Variants in RIMS2 observed in about 807,000 individuals in gnomAD.
RIMS2 encodes the protein regulating synaptic membrane exocytosis 2.
A neutral mutation model predicts 174.4 loss-of-function variants in RIMS2; 59 were observed. That is an observed-to-expected ratio of 0.34 (90% CI 0.27 to 0.42). The LOEUF (loss-of-function observed/expected upper bound fraction) is 0.42, where lower values mean the gene tolerates loss of function less well. Among genes scored for constraint, RIMS2 ranks in the 10% least tolerant of loss-of-function variants. The pLI, the probability that RIMS2 is intolerant of heterozygous loss-of-function variation, is 1.00. For missense variants in RIMS2, 1,620 were observed against 1,666.3 expected (o/e 0.97, Z 0.48); for synonymous variants, 606 against 572.5 (o/e 1.06, Z -0.84).
chr8:104,214,687 G>A (rs2099121919), intron 19 of RIMS2, among the ~76,000 whole-genome samples: 1 of 152,104 alleles, frequency 6.6e-6, no homozygotes, highest in East Asian at 1.9e-4. Context: ...ACCTCAAGTG[G>A]TCTGCCCATC....
chr8:103,976,271 A>G (rs2093415322), intron 16 of RIMS2: 1 of 152,244 alleles, frequency 6.6e-6, no homozygotes, highest in Admixed American at 6.5e-5. Context: ...ATGCTATACA[A>G]TAACCTATGT....
At chr8:103,628,355 T>G (rs1221462298) in intron 1 of RIMS2, among the ~76,000 whole-genome samples, 1 of 21,468 alleles carries the variant, frequency 4.7e-5, no homozygotes, top group African/African-American at 2.1e-4. Flanking sequence ...GAGATCCCTG[T>G]TTTTTTTTTT....
chr8:103,601,005 T>G (rs948211895), intron 1 of RIMS2, among the ~76,000 whole-genome samples: 2 of 152,224 alleles, frequency 1.3e-5, no homozygotes, highest in Non-Finnish European at 2.9e-5. Context: ...TTTGTATGTC[T>G]TCTTTTGAGA....
At chr8:104,169,325 TATATATATATATATAA>T (rs1314930592) in intron 19 of RIMS2, among the ~76,000 whole-genome samples, 1,003 of 40,412 alleles carry the variant, frequency 0.025, 15 homozygotes, top group East Asian at 0.12. Flanking sequence ...TATATATATA[TATATATATATATATAA>T]AACAGATTCA....
chr8:104,251,303 G>A (rs969360641), intron 23 of RIMS2, 140 bp downstream of exon 29: 17 of 736,878 alleles, frequency 2.3e-5, no homozygotes, highest in African/African-American at 1.2e-4. Flanking sequence ...GCAGTGGCCC[G>A]TGCTATAAAG....
intron 19 of RIMS2, among the ~76,000 whole-genome samples, chr8:104,028,138 A>ATTCTTT (rs1422289345): frequency 4.0e-5 from 6 of 151,896 alleles, no homozygotes; most frequent in African/African-American, 7.3e-5. Context: ...TAAAAAAAAA[A>ATTCTTT]AGATCTAAAG....
intron 19 of RIMS2, among the ~76,000 whole-genome samples, chr8:104,112,976 TTAAC>T (rs2098216656): frequency 6.6e-6 from 1 of 152,236 alleles, no homozygotes; most frequent in African/African-American, 2.4e-5. Flanking sequence ...CATTAATCCT[TTAAC>T]TGTTATGAAA....
intron 2 of RIMS2, among the ~76,000 whole-genome samples, chr8:103,715,600 A>G: frequency 6.6e-6 from 1 of 152,178 alleles, no homozygotes. Flanking sequence ...ACTTTATGTT[A>G]AAGAAAAGAG....
intron 1 of RIMS2, among the ~76,000 whole-genome samples, chr8:103,617,397 C>G (rs1589124337): frequency 1.3e-5 from 2 of 152,244 alleles, no homozygotes; most frequent in African/African-American, 2.4e-5. Context: ...AAACCCAAAA[C>G]TATAAAAACC....
chr8:103,819,712 G>T, intron 3 of RIMS2: 1 of 1,045,922 alleles, frequency 9.6e-7, no homozygotes. Context: ...GTTTTGTATT[G>T]AAGTGCTAGT....
At chr8:103,819,331 G>T in intron 3 of RIMS2, 3 of 1,456,174 alleles carry the variant, frequency 2.1e-6, no homozygotes, top group Admixed American at 2.7e-5. Flanking sequence ...TGAATTAGAA[G>T]AATAATGACT....
intron 19 of RIMS2, among the ~76,000 whole-genome samples, chr8:104,224,311 G>T (rs2099171512): frequency 1.3e-5 from 2 of 152,172 alleles, no homozygotes; most frequent in South Asian, 4.1e-4. Flanking sequence ...TGTGCTCAAG[G>T]CACAATCTCT....
At chr8:103,812,795 G>T (rs963845965) in intron 3 of RIMS2, among the ~76,000 whole-genome samples, 11 of 152,134 alleles carry the variant, frequency 7.2e-5, no homozygotes, top group Non-Finnish European at 1.3e-4. Flanking sequence ...TATGATCCGT[G>T]CCTCAGGGAA....
chr8:104,032,011 T>C (rs1413162100), intron 19 of RIMS2, among the ~76,000 whole-genome samples: 1 of 152,042 alleles, frequency 6.6e-6, no homozygotes, highest in Non-Finnish European at 1.5e-5. Flanking sequence ...ATTAGTCCTT[T>C]AGGGAAAAAA....
chr8:103,614,875 A>G (rs572904632), intron 1 of RIMS2, among the ~76,000 whole-genome samples: 1 of 152,320 alleles, frequency 6.6e-6, no homozygotes, highest in Non-Finnish European at 1.5e-5. Context: ...ACCTAATATG[A>G]TGTTCACTGC....
intron 1 of RIMS2, among the ~76,000 whole-genome samples, chr8:103,601,814 GT>G (rs772548115): frequency 1.3e-5 from 2 of 150,750 alleles, no homozygotes; most frequent in African/African-American, 2.4e-5. Flanking sequence ...TATCTGTTCT[GT>G]TTTTTTCAAT....
rs543986851 is a variant in RIMS2 at position 103,692,701 on chromosome 8, G to A, written c.177-4385G>A. Among the ~76,000 whole-genome samples the A allele has an allele frequency of 2.0e-5, 3 of 152,318 alleles. No individual in the cohort carries two copies. In the East Asian group the frequency reaches 5.8e-4, roughly 29 times the overall value. On this transcript the variant is annotated intron_variant, in intron 1 of 23. Coordinates refer to ENST00000504942, the Ensembl canonical transcript of RIMS2. ...AAATGTTGTCTGGGAGCTAAGGCCT[G>A]GAATGGGGGCCTCACAACTCTGCCT...
chr8:104,151,895 G>C lies in RIMS2; in HGVS notation c.3335-93021G>C, dbSNP rs925053484. 2.0e-5 allele frequency among the ~76,000 whole-genome samples: 3 copies of C among 152,092 alleles called. No homozygotes were observed. The East Asian group carries it at 5.8e-4, about 29-fold the overall frequency. ...GCGCGGAGGAAGAGCCCAAGAAGAA[G>C]AAGAAGGAACAATCACAAAGAAAAG... On this transcript the variant is annotated intron_variant, in intron 19 of 23. Transcript: ENST00000504942.
chr8:103,664,112 A>G (rs774984394), intron 1 of RIMS2, among the ~76,000 whole-genome samples: 2 of 152,142 alleles, frequency 1.3e-5, no homozygotes, highest in Non-Finnish European at 2.9e-5. Flanking sequence ...TTCCTTACAC[A>G]GTATAAAAAA....
Sources: gnomAD v4.1 joint callset for allele counts (sites outside exome capture counted in the v4.1 genomes callset) on GRCh38, gnomAD v4.1.1 for gene constraint, MANE v1.5 for transcripts, NCBI Gene and HGNC (gene_info 2026-07-23, HGNC 2026-07-21) for gene names.